Variants in RIN2 observed in about 807,000 individuals in gnomAD.
The protein encoded by RIN2 is Ras and Rab interactor 2, also known as RAB5 interacting protein 2.
In RIN2, 36 loss-of-function variants were observed where a neutral mutation model predicts 78.0. The observed-to-expected ratio is 0.46, with a 90% CI of 0.35 to 0.61. The LOEUF (loss-of-function observed/expected upper bound fraction) is 0.61, where lower values mean the gene tolerates loss of function less well. Ranked by LOEUF, RIN2 falls within the 20% of genes least tolerant of loss-of-function variation. The probability of loss-of-function intolerance (pLI) is 0.00; values close to 1 mark genes in which losing one functional copy is unlikely to be tolerated. For synonymous variants in RIN2, 466 were observed against 466.8 expected (o/e 1.00, Z 0.02); for missense variants, 1,087 against 1,159.7 (o/e 0.94, Z 0.91).
chr20:19,940,159 G>T lies in RIN2; in HGVS notation c.158+4960G>T, dbSNP rs1035579556. ...GTGCCACCACACCTGGCCTATCTGT[G>T]CATTTCCTGCCTCCCACCACTAGAA... On this transcript the variant is annotated intron_variant, in intron 4 of 12. Transcript: ENST00000255006. 3.3e-5 allele frequency among the ~76,000 whole-genome samples: 5 copies of T among 152,112 alleles called. No homozygotes were observed. In the South Asian group the frequency reaches 6.2e-4, roughly 19 times the overall value.
At chr20:19,903,342 G>A (rs780798797) in intron 3 of RIN2, among the ~76,000 whole-genome samples, 29 of 152,124 alleles carry the variant, frequency 1.9e-4, no homozygotes, top group Non-Finnish European at 4.3e-4. Flanking sequence ...TGTGGTTTCA[G>A]CATCCTGGTT....
chr20:19,875,064 T>C (rs1037134052), intron 2 of RIN2, among the ~76,000 whole-genome samples: 17 of 152,098 alleles, frequency 1.1e-4, no homozygotes, highest in African/African-American at 3.4e-4. Context: ...TTTTGCTATG[T>C]TGTCCAGGCT....
At chr20:19,767,580 G>T (rs1209965967) in intron 1 of RIN2, among the ~76,000 whole-genome samples, 1 of 152,018 alleles carries the variant, frequency 6.6e-6, no homozygotes, top group African/African-American at 2.4e-5. Context: ...CCCTCATTTT[G>T]GGGTACTGTT....
At chr20:19,763,816 G>A (rs2033753579) in intron 1 of RIN2, among the ~76,000 whole-genome samples, 1 of 152,152 alleles carries the variant, frequency 6.6e-6, no homozygotes, top group African/African-American at 2.4e-5. Flanking sequence ...AGGTATGCTG[G>A]TTTGTTTTAA....
intron 2 of RIN2, among the ~76,000 whole-genome samples, chr20:19,812,160 C>T (rs2035625515): frequency 6.6e-6 from 1 of 151,932 alleles, no homozygotes; most frequent in Non-Finnish European, 1.5e-5. Context: ...TGTTATAAAT[C>T]ATGCTATTGT....
intron 3 of RIN2, among the ~76,000 whole-genome samples, chr20:19,926,044 A>G (rs983781227): frequency 1.5e-4 from 23 of 152,240 alleles, no homozygotes; most frequent in African/African-American, 5.1e-4. Flanking sequence ...GGCTTCGTGT[A>G]TCAGTGTGGA....
rs1478294104 is a variant in RIN2 at position 19,799,666 on chromosome 20, T to C, written c.-118T>C. 1.3e-5 allele frequency: 2 copies of C among 152,164 alleles called. No individual in the cohort carries two copies. Among genetic ancestry groups the C allele is most frequent in the African/African-American group, 4.8e-5 (2 of 41,424 alleles). The allele number at this position is 152,164 out of a possible 1,614,324, so 9.4% of individuals were successfully genotyped here. ...ACTTCTGAACATCTACCGGAAAAGATAAAATGTGCAAGCCCTTCAGAACGC... is the reference window on the plus strand; with the variant it reads ...ACTTCTGAACATCTACCGGAAAAGACAAAATGTGCAAGCCCTTCAGAACGC... On this transcript the variant is annotated 5_prime_UTR_variant, in exon 2 of 13. Transcript: ENST00000255006.
chr20:19,940,466 T>A (rs2040821884), intron 4 of RIN2, among the ~76,000 whole-genome samples: 1 of 152,216 alleles, frequency 6.6e-6, no homozygotes, highest in South Asian at 2.1e-4. Flanking sequence ...CAGTCTCCAG[T>A]TGTGCCTCCC....
At position 19,908,176 on chromosome 20, in the gene RIN2, G is replaced by C. The variant is rs1029891559; in HGVS notation, c.57+18518G>C. On this transcript the variant is annotated intron_variant, in intron 3 of 12. Coordinates refer to ENST00000255006, the MANE Select transcript of RIN2 (RefSeq NM_018993.4). Reference sequence around the variant, plus strand: ...ACTCATCCAAGAGGCATTATGTTGTGTTATGGACATAGGAACTTCAGAGTT... The same window carrying C: ...ACTCATCCAAGAGGCATTATGTTGTCTTATGGACATAGGAACTTCAGAGTT... Among the ~76,000 whole-genome samples, 97 of 152,150 alleles carry C rather than the reference G, an allele frequency of 6.4e-4. 1 individual carries two copies. The highest frequency in any genetic ancestry group is 6.4e-3 in the Admixed American group (97 of 15,262).
chr20:19,975,099 A>AC lies in RIN2; in HGVS notation c.1078dup (p.Arg360ProfsTer43). On this transcript the variant is annotated frameshift_variant, in exon 9 of 13. Transcript: ENST00000255006. LOFTEE classifies it high-confidence loss of function. This position sits in a 1 kb window ranked among gnomAD's most constrained non-coding sequence, Gnocchi z 4.9. ...GAACGAAACCAACTCCCATCCCTCC[A>AC]CCCCGGCTGAAGAAGCAGGCTTCTT... The AC allele has an allele frequency of 6.2e-7, 1 of 1,613,128 alleles. No homozygotes were observed. Among genetic ancestry groups the AC allele is most frequent in the Non-Finnish European group, 8.5e-7 (1 of 1,179,810 alleles).
chr20:19,876,489 G>A (rs1282681742), intron 2 of RIN2, among the ~76,000 whole-genome samples: 1 of 152,206 alleles, frequency 6.6e-6, no homozygotes, highest in Non-Finnish European at 1.5e-5. Context: ...GAAAGCCTTG[G>A]TTAAAATGGA....
intron 9 of RIN2, among the ~76,000 whole-genome samples, chr20:19,987,974 C>A (rs1247944722): frequency 1.3e-5 from 2 of 152,138 alleles, no homozygotes; most frequent in Non-Finnish European, 2.9e-5. Flanking sequence ...TCAGTTTTAA[C>A]CTTGGGGGAC....
chr20:19,922,011 G>A (rs571451356), intron 3 of RIN2, among the ~76,000 whole-genome samples: 2 of 152,268 alleles, frequency 1.3e-5, no homozygotes, highest in East Asian at 1.9e-4. Context: ...GATTACAGGC[G>A]CATGCCACCA....
chr20:19,821,380 T>C (rs2035921394), intron 2 of RIN2, among the ~76,000 whole-genome samples: 1 of 152,128 alleles, frequency 6.6e-6, no homozygotes, highest in South Asian at 2.1e-4. Context: ...TGCCCCACCC[T>C]TTTCCATTCA....
At chr20:19,962,138 CAAAA>C (rs112843574) in intron 6 of RIN2, among the ~76,000 whole-genome samples, 4 of 129,620 alleles carry the variant, frequency 3.1e-5, no homozygotes, top group African/African-American at 2.9e-5. Flanking sequence ...CCATCTCCAC[CAAAA>C]AAAAAAAAAA....
intron 2 of RIN2, among the ~76,000 whole-genome samples, chr20:19,856,844 C>T (rs908788211): frequency 6.6e-6 from 1 of 152,098 alleles, no homozygotes; most frequent in African/African-American, 2.4e-5. Context: ...TGAACTGATT[C>T]CAAATCTTGC....
intron 2 of RIN2, among the ~76,000 whole-genome samples, chr20:19,868,473 C>G (rs1325581449): frequency 6.6e-6 from 1 of 152,168 alleles, no homozygotes; most frequent in Non-Finnish European, 1.5e-5. Context: ...AGTACTCTTA[C>G]AGATTCGCTC....
chr20:19,890,822 T>C (rs1887194071), intron 3 of RIN2, among the ~76,000 whole-genome samples: 1 of 152,102 alleles, frequency 6.6e-6, no homozygotes, highest in African/African-American at 2.4e-5. Flanking sequence ...GGCAGATTTA[T>C]AGGATTCGGG....
Position 19,844,698 on chromosome 20 carries a change from C to CTTCTTCTTCTTCT in RIN2, c.-36-44867_-36-44866insTCTTCTTCTTCTT, listed in dbSNP as rs2036720210. 2.9e-3 allele frequency among the ~76,000 whole-genome samples: 77 copies of CTTCTTCTTCTTCT among 26,346 alleles called. 4 individuals are homozygous for CTTCTTCTTCTTCT. Among genetic ancestry groups the CTTCTTCTTCTTCT allele is most frequent in the African/African-American group, 6.6e-3 (57 of 8,674 alleles). 17.3% of individuals were successfully genotyped at this position (26,346 alleles called of 152,430 possible). On this transcript the variant is annotated intron_variant, in intron 2 of 12. Coordinates refer to ENST00000255006, the MANE Select transcript of RIN2 (RefSeq NM_018993.4). Reference sequence around the variant, plus strand: ...CTTCTTCTTCTTCCTCTTCCTCTTCCTCTTCTTCTTCTTCTTCTTCTTCTT... The same window carrying CTTCTTCTTCTTCT: ...CTTCTTCTTCTTCCTCTTCCTCTTCCTTCTTCTTCTTCTTCTTCTTCTTCTTCTTCTTCTTCTT...
Sources: allele counts gnomAD v4.1 joint callset (sites outside exome capture counted in the v4.1 genomes callset), GRCh38; gene constraint gnomAD v4.1.1; non-coding constraint Gnocchi (gnomAD v3.1); transcripts MANE v1.5; gene names NCBI Gene and HGNC (gene_info 2026-07-23, HGNC 2026-07-21).